Variants in LARS2 observed in about 807,000 individuals in gnomAD.
LARS2 encodes leucine--tRNA ligase, mitochondrial.
Under a neutral mutation model 116.6 loss-of-function variants are expected in LARS2, and 81 were observed. The observed-to-expected ratio is 0.69, with a 90% CI of 0.58 to 0.84. The LOEUF (loss-of-function observed/expected upper bound fraction) is 0.84, where lower values mean the gene tolerates loss of function less well. Ranked by LOEUF, LARS2 falls within the 40% of genes least tolerant of loss-of-function variation. The pLI, the probability that LARS2 is intolerant of heterozygous loss-of-function variation, is 0.00. For synonymous variants in LARS2, 396 were observed against 407.2 expected (o/e 0.97, Z 0.33); for missense variants, 968 against 1,114.5 (o/e 0.87, Z 1.87).
At chr3:45,500,846 C>A (rs1700105565) in intron 15 of LARS2, among the ~76,000 whole-genome samples, 2 of 152,216 alleles carry the variant, frequency 1.3e-5, no homozygotes, top group African/African-American at 4.8e-5. Flanking sequence ...ACCTGTGAGG[C>A]AGAGAGGAGT....
chr3:45,423,310 A>G (rs1415476761), intron 6 of LARS2, among the ~76,000 whole-genome samples: 2 of 151,664 alleles, frequency 1.3e-5, no homozygotes, highest in African/African-American at 4.8e-5. Flanking sequence ...TTACTGTTTC[A>G]TTGTTTTTGT....
At chr3:45,437,835 A>G (rs72883903) in intron 6 of LARS2, among the ~76,000 whole-genome samples, 4,929 of 135,648 alleles carry the variant, frequency 0.036, 259 homozygotes, top group African/African-American at 0.12. Context: ...CTTGGAATAC[A>G]TCGGTGGGGA....
At chr3:45,462,689 A>G (rs935623056) in intron 8 of LARS2, among the ~76,000 whole-genome samples, 3 of 152,156 alleles carry the variant, frequency 2.0e-5, no homozygotes, top group Non-Finnish European at 4.4e-5. Flanking sequence ...CCGCACAGTT[A>G]TCTTTAGAGC....
intron 8 of LARS2, among the ~76,000 whole-genome samples, chr3:45,472,707 C>T (rs1268275565): frequency 2.0e-5 from 3 of 152,182 alleles, no homozygotes; most frequent in African/African-American, 7.2e-5. Context: ...AGCAGAGTAT[C>T]AGACTGAATA....
At chr3:45,428,129 G>T (rs1432090185) in intron 6 of LARS2, among the ~76,000 whole-genome samples, 1 of 147,176 alleles carries the variant, frequency 6.8e-6, no homozygotes. Flanking sequence ...CCACTGCCTT[G>T]TTTTCAATGT....
chr3:45,470,530 C>T (rs774398852), intron 8 of LARS2, among the ~76,000 whole-genome samples: 23 of 152,260 alleles, frequency 1.5e-4, no homozygotes, highest in Middle Eastern at 3.4e-3. Context: ...TCTTTTCAGA[C>T]ACATCCTAGC....
At chr3:45,533,236 C>T (rs1208219130) in intron 20 of LARS2, among the ~76,000 whole-genome samples, 2 of 145,032 alleles carry the variant, frequency 1.4e-5, no homozygotes, top group South Asian at 2.2e-4. Flanking sequence ...CTGCAAGCTC[C>T]GCCTCCCGGG....
chr3:45,409,894 A>G (rs938324247), intron 4 of LARS2, among the ~76,000 whole-genome samples: 4 of 152,182 alleles, frequency 2.6e-5, no homozygotes, highest in Admixed American at 6.5e-5. Context: ...AAACTTTGAG[A>G]TTTTTCTAAC....
intron 6 of LARS2, among the ~76,000 whole-genome samples, chr3:45,428,188 A>G (rs941610753): frequency 1.5e-5 from 2 of 137,462 alleles, no homozygotes; most frequent in African/African-American, 5.3e-5. Flanking sequence ...TTTTTCTAGG[A>G]TTTTTAAATT....
chr3:45,527,256 T>A (rs1337759485), intron 20 of LARS2, among the ~76,000 whole-genome samples: 1 of 152,118 alleles, frequency 6.6e-6, no homozygotes, highest in Non-Finnish European at 1.5e-5. Context: ...TGGGGAAGGG[T>A]CTCAGGAAGT....
Position 45,461,360 on chromosome 3 carries a change from C to T in LARS2, c.750+2474C>T, listed in dbSNP as rs551596140. 8.6e-5 allele frequency among the ~76,000 whole-genome samples: 13 copies of T among 152,006 alleles called. No homozygotes were observed. The South Asian group carries it at 2.3e-3, about 27-fold the overall frequency. ...CCCCCTCACACACCTATGTAGTGAA[C>T]AGCATGTGTAGTGGCCTTAAAACAG... On this transcript the variant is annotated intron_variant, in intron 8 of 21. Transcript: ENST00000645846.
At chr3:45,445,528 G>A (rs376144487) in intron 6 of LARS2, among the ~76,000 whole-genome samples, 3 of 152,180 alleles carry the variant, frequency 2.0e-5, no homozygotes, top group Non-Finnish European at 1.5e-5. Flanking sequence ...AGCAGGCTGC[G>A]TCGTATGCAT....
rs553808052 is a variant in LARS2 at position 45,533,722 on chromosome 3, C to G, written c.2405-8107C>G. ...TCAGAGGATCTACTCTGTCTAGGGT[C>G]CTTCCTCTCCCTGGCAGGTCTTATG... On this transcript the variant is annotated intron_variant, in intron 20 of 21. Transcript: ENST00000645846. Among the ~76,000 whole-genome samples, 8 of 152,252 alleles carry G rather than the reference C, an allele frequency of 5.3e-5. 1 individual carries two copies. In the South Asian group the frequency reaches 1.2e-3, roughly 24 times the overall value.
At chr3:45,449,156 ATTTT>A (rs1161349903) in intron 7 of LARS2, among the ~76,000 whole-genome samples, 1 of 102,934 alleles carries the variant, frequency 9.7e-6, no homozygotes, top group Non-Finnish European at 2.0e-5. Context: ...TTAACTCACT[ATTTT>A]TTTTTTTTTT....
In LARS2 at chr3:45,508,111, C is replaced by T. The variant is rs1054000723; in HGVS notation, c.1761-5024C>T. 2.6e-5 allele frequency among the ~76,000 whole-genome samples: 4 copies of T among 152,028 alleles called. No individual in the cohort carries two copies. In the East Asian group the frequency reaches 7.7e-4, roughly 29 times the overall value. On this transcript the variant is annotated intron_variant, in intron 15 of 21. Coordinates refer to ENST00000645846, the MANE Select transcript of LARS2 (RefSeq NM_015340.4). ...GGAATCTTGTCACTTTTTGTTGTAG[C>T]TCTGTAATGCAACTTAGACACTAAA...
intron 6 of LARS2, among the ~76,000 whole-genome samples, chr3:45,434,751 A>T (rs1330068144): frequency 6.6e-6 from 1 of 152,204 alleles, no homozygotes; most frequent in Non-Finnish European, 1.5e-5. Flanking sequence ...GAAAGGGGCC[A>T]CTATCTCTTT....
rs759714646 is a variant in LARS2, at chr3:45,446,983, A to G, written c.606+3A>G. ...CTGGGCTGGCCTATCAAAAGGAGGT[A>G]AGTTAAAATTAGCTGGACTTTTAAA... On this transcript the variant is annotated splice_donor_region_variant and intron_variant, in intron 7 of 21. Transcript: ENST00000645846. The G allele has an allele frequency of 6.4e-5, 98 of 1,540,534 alleles. No individual in the cohort carries two copies. Among genetic ancestry groups the G allele is most frequent in the Non-Finnish European group, 6.9e-5 (77 of 1,118,318 alleles).
At chr3:45,501,764 T>C (rs2125741409) in intron 15 of LARS2, among the ~76,000 whole-genome samples, 1 of 152,348 alleles carries the variant, frequency 6.6e-6, no homozygotes, top group East Asian at 1.9e-4. Flanking sequence ...CTGTTTTCCA[T>C]AGTGATTACC....
Position 45,520,218 on chromosome 3 carries a change from G to C in LARS2, c.2215-1G>C, listed in dbSNP as rs1700431210. On this transcript the variant is annotated splice_acceptor_variant, in intron 18 of 21. Transcript: ENST00000645846. LOFTEE classifies it high-confidence loss of function. The stretch of plus-strand genomic sequence containing the variant: ...GTAAATAATTGAACCTTTACTAATA[G>C]GTGACCACCCATTTCACAGAGGACT... 1 of 1,605,734 alleles carries C rather than the reference G, an allele frequency of 6.2e-7. No individual in the cohort carries two copies. The highest frequency in any genetic ancestry group is 1.7e-5 in the Admixed American group (1 of 59,952).
Sources: gnomAD v4.1 joint callset for allele counts (sites outside exome capture counted in the v4.1 genomes callset) on GRCh38, gnomAD v4.1.1 for gene constraint, MANE v1.5 for transcripts, NCBI Gene and HGNC (gene_info 2026-07-23, HGNC 2026-07-21) for gene names.